CCDC82: variants seen among roughly 807,000 people sequenced by gnomAD.
The protein encoded by CCDC82 is coiled-coil domain containing 82, also known as coiled-coil domain-containing protein 82.
A neutral mutation model predicts 60.6 loss-of-function variants in CCDC82; 47 were observed. That is an observed-to-expected ratio of 0.77 (90% CI 0.61 to 0.99). CCDC82 has a LOEUF of 0.99. Ranked by LOEUF, CCDC82 falls within the 50% of genes least tolerant of loss-of-function variation. The pLI is 0.00. For missense variants in CCDC82, 588 were observed against 633.0 expected (o/e 0.93, Z 0.76); for synonymous variants, 212 against 207.4 (o/e 1.02, Z -0.19).
In CCDC82 at chr11:96,371,101, A is replaced by G. The variant is rs1182611261; in HGVS notation, c.1121T>C (p.Leu374Pro). ...TRQKSYAKDM[L>P]TSLHYLDNRF... The stretch of plus-strand genomic sequence containing the variant: ...GTTATCCAAATAATGAAGAGATGTT[A>G]GCATATCTTTTGCATATGATTTTTG... The change falls in exon 7 of 10, where the codon CTA (leucine) becomes CCA (proline). Residue 374 changes from leucine (L) to proline (P), a missense_variant. Transcript: ENST00000646818. The G allele has an allele frequency of 6.2e-7, 1 of 1,602,050 alleles. No individual in the cohort carries two copies. The highest frequency in any genetic ancestry group is 1.3e-5 in the African/African-American group (1 of 74,426).
chr11:96,367,889 C>T (rs775616106), intron 7 of CCDC82, among the ~76,000 whole-genome samples: 24 of 133,548 alleles, frequency 1.8e-4, no homozygotes, highest in Non-Finnish European at 3.1e-4. Flanking sequence ...GGTGTGATTT[C>T]GGCTCACTGC....
chr11:96,387,386 T>C (rs1866255244), intron 2 of CCDC82, 144 bp downstream of exon 2: 1 of 152,238 alleles, frequency 6.6e-6, no homozygotes, highest in Non-Finnish European at 1.5e-5. Flanking sequence ...AACTTATGAC[T>C]GCACAGTTAA....
At chr11:96,378,940 T>C (rs992729463) in intron 5 of CCDC82, among the ~76,000 whole-genome samples, 1 of 151,994 alleles carries the variant, frequency 6.6e-6, no homozygotes, top group East Asian at 1.9e-4. Context: ...AAATGGCAGA[T>C]AGGAAATTAC....
chr11:96,358,708 G>C (rs1293914141), intron 9 of CCDC82: 35 of 1,156,588 alleles, frequency 3.0e-5, no homozygotes, highest in Non-Finnish European at 3.7e-5. Flanking sequence ...ATATATGTAA[G>C]CAATACATAC....
intron 9 of CCDC82, chr11:96,357,881 T>C: frequency 1.0e-6 from 1 of 985,260 alleles, no homozygotes; most frequent in Non-Finnish European, 1.2e-6. Flanking sequence ...AGAAGCAAAG[T>C]AAAAGACAAA....
intron 5 of CCDC82, chr11:96,380,854 G>A (rs1865840700): frequency 6.6e-6 from 1 of 151,442 alleles, no homozygotes; most frequent in Non-Finnish European, 1.5e-5. Flanking sequence ...TAAAGCACAG[G>A]GCATTTTGAG....
At chr11:96,355,731 TCA>T (rs920024246) in intron 9 of CCDC82, 10 of 152,174 alleles carry the variant, frequency 6.6e-5, no homozygotes, top group Non-Finnish European at 1.5e-4. Flanking sequence ...AAAGTGAAAC[TCA>T]CAGACATTGC....
rs1400990122 is a variant in CCDC82 at position 96,384,779 on chromosome 11, TAGGA to T, written c.-14-22_-14-19del. 20 of 1,492,736 alleles carry T rather than the reference TAGGA, an allele frequency of 1.3e-5. No individual in the cohort carries two copies. The highest frequency in any genetic ancestry group is 1.8e-4 in the Middle Eastern group (1 of 5,650). 92.5% of individuals were successfully genotyped at this position (1,492,736 alleles called of 1,614,324 possible). A position where few individuals can be genotyped will look rare whatever the true frequency, so the allele number is the denominator to read the frequency against. ...TTAAGCTTCTATAAAATAAAGTTGT[TAGGA>T]ATATAACAGTGATAACCAGATTAGA... On this transcript the variant is annotated intron_variant, in intron 3 of 9. Transcript: ENST00000646818.
chr11:96,382,985 T>G (rs185944464), intron 5 of CCDC82: 99 of 267,894 alleles, frequency 3.7e-4, no homozygotes, highest in African/African-American at 1.8e-3. Context: ...TTATTTTAAA[T>G]GAATTAATAA....
intron 9 of CCDC82, chr11:96,358,718 C>T: frequency 3.6e-6 from 4 of 1,107,810 alleles, no homozygotes; most frequent in Non-Finnish European, 4.7e-6. Context: ...GCAATACATA[C>T]ATAAAAGCGA....
At chr11:96,360,100 AAATT>A (rs1363640968) in intron 8 of CCDC82, among the ~76,000 whole-genome samples, 1 of 147,940 alleles carries the variant, frequency 6.8e-6, no homozygotes, top group Non-Finnish European at 1.5e-5. Flanking sequence ...TGCACTGACC[AAATT>A]ATTTATATAT....
intron 7 of CCDC82, among the ~76,000 whole-genome samples, chr11:96,368,915 C>G (rs1414442491): frequency 2.0e-5 from 3 of 151,654 alleles, no homozygotes; most frequent in Non-Finnish European, 4.4e-5. Flanking sequence ...TTTGTCTACT[C>G]TGAAAAAATC....
chr11:96,383,613 ATT>A (rs1353696843), intron 4 of CCDC82, 140 bp from the exon 5 acceptor site: 3 of 574,654 alleles, frequency 5.2e-6, no homozygotes, highest in Non-Finnish European at 8.6e-6. Flanking sequence ...AAAATAAATA[ATT>A]TTGTCATATT....
intron 7 of CCDC82, among the ~76,000 whole-genome samples, chr11:96,369,840 G>A (rs959040012): frequency 7.2e-5 from 11 of 152,150 alleles, no homozygotes; most frequent in African/African-American, 2.4e-4. Context: ...AAAGTGGAAT[G>A]CAACAAAACG....
intron 8 of CCDC82, chr11:96,364,345 ATC>A (rs1864833701): frequency 6.6e-6 from 1 of 152,106 alleles, no homozygotes; most frequent in African/African-American, 2.4e-5. Context: ...TGCAACCCAG[ATC>A]TCTCAGAGGG....
intron 7 of CCDC82, 146 bp from the exon 8 acceptor site, chr11:96,365,296 C>A: frequency 4.3e-6 from 2 of 465,520 alleles, no homozygotes; most frequent in Non-Finnish European, 7.6e-6. Flanking sequence ...TAATACTGAG[C>A]ACATAGTAGG....
At chr11:96,357,243 G>A (rs1372364422) in intron 9 of CCDC82, 10 of 985,130 alleles carry the variant, frequency 1.0e-5, no homozygotes, top group African/African-American at 1.7e-5. Context: ...GTGGTTTCTA[G>A]GAAATCTTTT....
chr11:96,357,399 C>G lies in CCDC82; in HGVS notation c.1566+1594G>C, dbSNP rs577484237. 1.6e-5 allele frequency: 16 copies of G among 985,312 alleles called. No homozygotes were observed. The East Asian group carries it at 9.1e-4, about 56-fold the overall frequency. The allele number at this position is 985,312 out of a possible 1,614,324, so 61.0% of individuals were successfully genotyped here. A position where few individuals can be genotyped will look rare whatever the true frequency, so the allele number is the denominator to read the frequency against. Reference sequence around the variant, plus strand: ...TCAATGCCTAATGCTAAATGTTATTCTTTATGTATAACATGACACTTGGCT... The same window carrying G: ...TCAATGCCTAATGCTAAATGTTATTGTTTATGTATAACATGACACTTGGCT... On this transcript the variant is annotated intron_variant, in intron 9 of 9. Coordinates refer to ENST00000646818, the MANE Select transcript of CCDC82 (RefSeq NM_024725.4).
At position 96,373,498 on chromosome 11, in the gene CCDC82, A is replaced by C. The variant is rs200359837; in HGVS notation, c.992-31T>G. 4.0e-5 allele frequency: 51 copies of C among 1,270,718 alleles called. No individual in the cohort carries two copies. In the African/African-American group the frequency reaches 6.9e-4, roughly 17 times the overall value. The allele number at this position is 1,270,718 out of a possible 1,614,324, so 78.7% of individuals were successfully genotyped here. On this transcript the variant is annotated intron_variant, in intron 5 of 9. Transcript: ENST00000646818. ...ATTAATTTCAAATAAATATTAGAAC[A>C]GAGCAGACAAAATAATTTCTTGAAT...
Sources: gnomAD v4.1 joint callset for allele counts (sites outside exome capture counted in the v4.1 genomes callset) on GRCh38, gnomAD v4.1.1 for gene constraint, MANE v1.5 for transcripts, NCBI Gene and HGNC (gene_info 2026-07-23, HGNC 2026-07-21) for gene names.